IL1RAPL1: variants seen among roughly 807,000 people sequenced by gnomAD.
IL1RAPL1 encodes the protein interleukin-1 receptor accessory protein-like 1.
Under a neutral mutation model 48.4 loss-of-function variants are expected in IL1RAPL1, and 3 were observed. The ratio of observed to expected loss-of-function variants is 0.06; its 90% CI spans 0.03 to 0.16. IL1RAPL1 has a LOEUF of 0.16. Ranked by LOEUF, IL1RAPL1 falls within the 10% of genes least tolerant of loss-of-function variation. The probability of loss-of-function intolerance (pLI) is 1.00; values close to 1 mark genes in which losing one functional copy is unlikely to be tolerated. For missense variants in IL1RAPL1, 349 were observed against 530.6 expected (o/e 0.66, Z 3.36); for synonymous variants, 185 against 187.7 (o/e 0.99, Z 0.12).
rs145000350 is a variant in IL1RAPL1 at position 28,902,732 on chromosome X, C to T, written c.82+113307C>T. Among the ~76,000 whole-genome samples, 676 of 111,680 alleles carry T rather than the reference C, an allele frequency of 6.1e-3. 5 individuals carry two copies. The highest frequency in any genetic ancestry group is 0.021 in the African/African-American group (642 of 30,684). On this transcript the variant is annotated intron_variant, in intron 2 of 10. Coordinates refer to ENST00000378993, the MANE Select transcript of IL1RAPL1 (RefSeq NM_014271.4). ...CCAAACGTCGGGCCACAGACCAGTA[C>T]CAGTATATGGCCTGTTAGGAACTGG...
chrX:29,692,237 T>G (rs142841683), intron 6 of IL1RAPL1, among the ~76,000 whole-genome samples: 9 of 112,276 alleles, frequency 8.0e-5, no homozygotes, highest in African/African-American at 2.9e-4. Context: ...TTTTTCTATT[T>G]TTTAAAATTG....
chrX:29,665,784 C>G (rs1341770101), intron 5 of IL1RAPL1, among the ~76,000 whole-genome samples: 1 of 111,976 alleles, frequency 8.9e-6, no homozygotes, highest in Admixed American at 9.5e-5. Context: ...CATGATAATA[C>G]CAAAACATGA....
At chrX:29,330,323 T>C (rs937250257) in intron 3 of IL1RAPL1, among the ~76,000 whole-genome samples, 5 of 111,978 alleles carry the variant, frequency 4.5e-5, no homozygotes, top group Non-Finnish European at 9.4e-5. Context: ...TTAGAATGAC[T>C]AGTCCAAGGT....
intron 2 of IL1RAPL1, among the ~76,000 whole-genome samples, chrX:28,809,337 G>A (rs1936765459): frequency 9.1e-6 from 1 of 110,448 alleles, no homozygotes; most frequent in East Asian, 2.9e-4. Context: ...AATAATTCAT[G>A]CTATGAATAA....
intron 2 of IL1RAPL1, among the ~76,000 whole-genome samples, chrX:28,821,798 T>C (rs141227015): frequency 1.8e-5 from 2 of 111,233 alleles, no homozygotes; most frequent in East Asian, 5.7e-4. Context: ...GGTTATTTCT[T>C]ACACATTGCT....
chrX:29,873,461 T>C (rs1192377247), intron 6 of IL1RAPL1, among the ~76,000 whole-genome samples: 1 of 108,393 alleles, frequency 9.2e-6, no homozygotes, highest in African/African-American at 3.4e-5. Flanking sequence ...GATTAGGCTC[T>C]GCCCTCATGA....
intron 5 of IL1RAPL1, among the ~76,000 whole-genome samples, chrX:29,615,405 A>G (rs1290290177): frequency 9.5e-6 from 1 of 105,045 alleles, no homozygotes; most frequent in Non-Finnish European, 1.9e-5. Flanking sequence ...AACAAAGGAG[A>G]GGAGGGGAGG....
At chrX:28,873,741 C>T (rs1381556838) in intron 2 of IL1RAPL1, among the ~76,000 whole-genome samples, 3 of 106,337 alleles carry the variant, frequency 2.8e-5, no homozygotes, top group Admixed American at 2.0e-4. Context: ...CTGTGTTAGC[C>T]AGGATGGTCT....
intron 1 of IL1RAPL1, among the ~76,000 whole-genome samples, chrX:28,731,629 G>A (rs1242509692): frequency 9.0e-6 from 1 of 111,313 alleles, no homozygotes; most frequent in Non-Finnish European, 1.9e-5. Context: ...GGCTGAGGGA[G>A]AGACAGGCAA....
chrX:29,358,986 G>T (rs1426948428), intron 3 of IL1RAPL1, among the ~76,000 whole-genome samples: 2 of 108,839 alleles, frequency 1.8e-5, no homozygotes, highest in African/African-American at 3.4e-5. Context: ...ACGCATCACT[G>T]CACTCCAGCT....
chrX:29,418,118 TATATATA>T (rs1287347683), intron 5 of IL1RAPL1, among the ~76,000 whole-genome samples: 120 of 35,367 alleles, frequency 3.4e-3, no homozygotes, highest in Non-Finnish European at 4.8e-3. Context: ...TATATATATA[TATATATA>T]TTTTTTTTTT....
chrX:29,603,036 C>T lies in IL1RAPL1; in HGVS notation c.704-65394C>T, dbSNP rs369787980. On this transcript the variant is annotated intron_variant, in intron 5 of 10. Coordinates refer to ENST00000378993, the MANE Select transcript of IL1RAPL1 (RefSeq NM_014271.4). ...ATCCCAGCACTTTGGGAGGCCGAGG[C>T]GGGTGGATCACCCGAGGTCAGGAGT... is the stretch of plus-strand genomic sequence containing the variant. Among the ~76,000 whole-genome samples, 58 of 111,430 alleles carry T rather than the reference C, an allele frequency of 5.2e-4. 1 individual carries two copies. The East Asian group carries it at 0.01, about 19-fold the overall frequency.
intron 5 of IL1RAPL1, among the ~76,000 whole-genome samples, chrX:29,660,262 C>G (rs993572422): frequency 1.8e-5 from 2 of 111,808 alleles, no homozygotes; most frequent in African/African-American, 6.5e-5. Flanking sequence ...AGATCATTTG[C>G]AGATAATTTC....
At chrX:29,218,791 A>G (rs1202374047) in intron 2 of IL1RAPL1, among the ~76,000 whole-genome samples, 1 of 112,268 alleles carries the variant, frequency 8.9e-6, no homozygotes, top group Non-Finnish European at 1.9e-5. Context: ...AGTCATGTTA[A>G]TGGCATCAGA....
intron 2 of IL1RAPL1, among the ~76,000 whole-genome samples, chrX:29,230,504 CAAAAAAAAAAA>C (rs60539139): frequency 6.0e-5 from 1 of 16,589 alleles, no homozygotes; most frequent in African/African-American, 2.9e-4. Flanking sequence ...GTCCCTTTAC[CAAAAAAAAAAA>C]AAAAAAAAAA....
intron 1 of IL1RAPL1, among the ~76,000 whole-genome samples, chrX:28,645,327 A>G (rs197011): frequency 0.37 from 32,813 of 89,316 alleles, 6,074 homozygotes; most frequent in South Asian, 0.48. Context: ...AGCCTGGGCA[A>G]CAAGAGTGAA....
intron 2 of IL1RAPL1, among the ~76,000 whole-genome samples, chrX:29,176,484 A>G (rs1199156411): frequency 9.1e-6 from 1 of 110,307 alleles, no homozygotes; most frequent in Non-Finnish European, 1.9e-5. Flanking sequence ...GAAACAAACA[A>G]AAAAAGCAAC....
At chrX:29,625,447 C>T (rs1021667356) in intron 5 of IL1RAPL1, among the ~76,000 whole-genome samples, 2 of 111,152 alleles carry the variant, frequency 1.8e-5, no homozygotes, top group Admixed American at 1.9e-4. Context: ...AATTATTTTC[C>T]CTAGAATGTA....
intron 6 of IL1RAPL1, among the ~76,000 whole-genome samples, chrX:29,705,819 A>G (rs1927178394): frequency 8.9e-6 from 1 of 112,460 alleles, no homozygotes; most frequent in African/African-American, 3.2e-5. Flanking sequence ...CTCCCCTTGT[A>G]ATATGGAGAT....
Sources: gnomAD v4.1 joint callset for allele counts (sites outside exome capture counted in the v4.1 genomes callset) on GRCh38, gnomAD v4.1.1 for gene constraint, MANE v1.5 for transcripts, NCBI Gene and HGNC (gene_info 2026-07-23, HGNC 2026-07-21) for gene names.